RGS7: variants seen among roughly 807,000 people sequenced by gnomAD.
RGS7 encodes regulator of G-protein signaling 7.
A neutral mutation model predicts 81.1 loss-of-function variants in RGS7; 27 were observed. That is an observed-to-expected ratio of 0.33 (90% CI 0.25 to 0.46). RGS7 has a LOEUF of 0.46. RGS7 is among the 20% of genes least tolerant of loss of function. The pLI is 1.00. For synonymous variants in RGS7, 208 were observed against 207.7 expected (o/e 1.00, Z -0.01); for missense variants, 396 against 607.4 (o/e 0.65, Z 3.66).
intron 2 of RGS7, among the ~76,000 whole-genome samples, chr1:241,259,198 A>G (rs925733247): frequency 6.6e-6 from 1 of 152,220 alleles, no homozygotes; most frequent in African/African-American, 2.4e-5. Flanking sequence ...GCAAATATTT[A>G]TCAAGCAGCA....
At chr1:241,216,635 G>A (rs959916273) in intron 2 of RGS7, among the ~76,000 whole-genome samples, 11 of 151,948 alleles carry the variant, frequency 7.2e-5, no homozygotes, top group African/African-American at 2.4e-4. Flanking sequence ...CTTTTTTCTG[G>A]TCACATAATC....
In RGS7 at chr1:241,332,972, T is replaced by G. The variant is rs563874457; in HGVS notation, c.78+22727A>C. Among the ~76,000 whole-genome samples, 375 of 152,312 alleles carry G rather than the reference T, an allele frequency of 2.5e-3. 3 individuals carry two copies. Among genetic ancestry groups the G allele is most frequent in the African/African-American group, 8.6e-3 (357 of 41,556 alleles). On this transcript the variant is annotated intron_variant, in intron 2 of 18. Coordinates refer to ENST00000440928, the MANE Select transcript of RGS7 (RefSeq NM_001364886.1). ...AGGGATGGACAGTTTTATTTCACAA[T>G]GATGAACAGTGATGTCGGGCTGAGC...
intron 2 of RGS7, among the ~76,000 whole-genome samples, chr1:241,179,816 T>C (rs1430403155): frequency 1.3e-5 from 2 of 152,082 alleles, no homozygotes; most frequent in Admixed American, 6.6e-5. Context: ...ATTTTAGTTT[T>C]AGTGATAGGG....
chr1:241,091,174 A>G (rs1410948639), intron 3 of RGS7, among the ~76,000 whole-genome samples: 1 of 152,230 alleles, frequency 6.6e-6, no homozygotes, highest in Non-Finnish European at 1.5e-5. Flanking sequence ...ATGTATTTAA[A>G]GCCACTAACC....
chr1:241,349,884 A>C (rs2083127732), intron 2 of RGS7, among the ~76,000 whole-genome samples: 1 of 152,196 alleles, frequency 6.6e-6, no homozygotes. Flanking sequence ...CAGTGATCAC[A>C]TTCTGTCACC....
At chr1:241,189,543 T>C (rs2072425042) in intron 2 of RGS7, among the ~76,000 whole-genome samples, 1 of 152,242 alleles carries the variant, frequency 6.6e-6, no homozygotes, top group East Asian at 1.9e-4. Flanking sequence ...ATTTATTCAC[T>C]TTTTCTTTTA....
At chr1:241,052,215 T>C (rs1022456874) in intron 3 of RGS7, among the ~76,000 whole-genome samples, 1 of 151,620 alleles carries the variant, frequency 6.6e-6, no homozygotes, top group Non-Finnish European at 1.5e-5. Context: ...CTGGGGAAAA[T>C]GGAAATAGGA....
intron 3 of RGS7, among the ~76,000 whole-genome samples, chr1:241,037,756 T>C (rs1015157907): frequency 4.0e-5 from 6 of 149,106 alleles, no homozygotes; most frequent in African/African-American, 1.5e-4. Context: ...GAAAATGTGG[T>C]ATATGTACAC....
At chr1:240,919,748 T>A in intron 6 of RGS7, 1 of 644,206 alleles carries the variant, frequency 1.6e-6, no homozygotes. Context: ...TGAGGGGCCA[T>A]TTTCAGCAAT....
At chr1:241,226,337 G>A (rs2075307524) in intron 2 of RGS7, among the ~76,000 whole-genome samples, 1 of 152,026 alleles carries the variant, frequency 6.6e-6, no homozygotes, top group Non-Finnish European at 1.5e-5. Context: ...GCTGGAAGAA[G>A]GAGCATTCTT....
chr1:241,276,080 A>T (rs181802301), intron 2 of RGS7, among the ~76,000 whole-genome samples: 1 of 152,214 alleles, frequency 6.6e-6, no homozygotes, highest in South Asian at 2.1e-4. Flanking sequence ...AATTATATTT[A>T]TCACCTGCCT....
intron 2 of RGS7, among the ~76,000 whole-genome samples, chr1:241,326,697 A>G (rs1292331169): frequency 4.9e-5 from 6 of 121,272 alleles, no homozygotes; most frequent in Admixed American, 2.4e-4. Context: ...TAGTCCTAGC[A>G]CTTTGGGAGG....
chr1:241,049,475 T>C (rs2061133474), intron 3 of RGS7, among the ~76,000 whole-genome samples: 1 of 152,248 alleles, frequency 6.6e-6, no homozygotes, highest in African/African-American at 2.4e-5. Context: ...CTAGAGACCC[T>C]GTAGTCCTCA....
At chr1:241,055,336 A>G (rs1300235012) in intron 3 of RGS7, among the ~76,000 whole-genome samples, 1 of 152,192 alleles carries the variant, frequency 6.6e-6, no homozygotes, top group Non-Finnish European at 1.5e-5. Context: ...TGGGCTATAA[A>G]TTGGAGTTCC....
chr1:241,280,653 A>G (rs1488832468), intron 2 of RGS7, among the ~76,000 whole-genome samples: 3 of 152,124 alleles, frequency 2.0e-5, no homozygotes, highest in Non-Finnish European at 4.4e-5. Flanking sequence ...GTACATCACC[A>G]TGCTCGGCTA....
chr1:240,886,628 A>T (rs1452920650), intron 6 of RGS7, among the ~76,000 whole-genome samples: 1 of 152,156 alleles, frequency 6.6e-6, no homozygotes, highest in Admixed American at 6.6e-5. Flanking sequence ...TCAAATAAAA[A>T]GAGAGAGACA....
chr1:241,071,438 A>G (rs2062434273), intron 3 of RGS7, among the ~76,000 whole-genome samples: 1 of 151,932 alleles, frequency 6.6e-6, no homozygotes, highest in South Asian at 2.1e-4. Context: ...CTTAGAGAAC[A>G]TGTATGAGTT....
chr1:241,130,751 G>T (rs1414980370), intron 2 of RGS7, among the ~76,000 whole-genome samples: 1 of 134,348 alleles, frequency 7.4e-6, no homozygotes, highest in East Asian at 2.2e-4. Context: ...CCTGAGCATT[G>T]CTTTCTTATC....
intron 2 of RGS7, among the ~76,000 whole-genome samples, chr1:241,145,383 T>A (rs897401529): frequency 2.6e-5 from 4 of 152,172 alleles, no homozygotes; most frequent in African/African-American, 9.7e-5. Flanking sequence ...TGAGGTGACA[T>A]GAACAAAAGC....
Sources: gnomAD v4.1 joint callset for allele counts (sites outside exome capture counted in the v4.1 genomes callset) on GRCh38, gnomAD v4.1.1 for gene constraint, MANE v1.5 for transcripts, NCBI Gene and HGNC (gene_info 2026-07-23, HGNC 2026-07-21) for gene names.